SLC22A13: variants seen among roughly 807,000 people sequenced by gnomAD.
SLC22A13 encodes organic anion transporter 10.
Under a neutral mutation model 49.1 loss-of-function variants are expected in SLC22A13, and 42 were observed. The observed-to-expected ratio is 0.85, with a 90% CI of 0.67 to 1.11. SLC22A13 has a LOEUF of 1.11. Among genes scored for constraint, SLC22A13 ranks in the 50% least tolerant of loss-of-function variants. The pLI is 0.00. For missense variants in SLC22A13, 694 were observed against 712.8 expected (o/e 0.97, Z 0.30); for synonymous variants, 282 against 293.1 (o/e 0.96, Z 0.39).
In SLC22A13 at chr3:38,275,128, G is replaced by A. The variant is rs771713150; in HGVS notation, c.777G>A (p.Ala259=). ...GGCTCCTTCAGATCACCGGCACTGC[G>A]CCTGGCTTACTGCTCTTCTTCTACT... is the stretch of plus-strand genomic sequence containing the variant. ...NWRLLQITGT[A]PGLLLFFYFW... is the part of the protein sequence containing the mutation. The change falls in exon 4 of 10, where the codon GCG becomes GCA. Residue 259 remains alanine, a synonymous_variant. Transcript: ENST00000311856. 8.7e-6 allele frequency: 14 copies of A among 1,614,112 alleles called. No homozygotes were observed. The highest frequency in any genetic ancestry group is 5.0e-5 in the Admixed American group (3 of 60,012).
At position 38,274,392 on chromosome 3, in the gene SLC22A13, G is replaced by C; in HGVS notation, c.482+17G>C. 1 of 1,599,374 alleles carries C rather than the reference G, an allele frequency of 6.3e-7. No individual in the cohort carries two copies. On this transcript the variant is annotated intron_variant, in intron 2 of 9. Coordinates refer to ENST00000311856, the MANE Select transcript of SLC22A13 (RefSeq NM_004256.4). ...CTGCGACCGGTAAGAACCTTGCCCT[G>C]CCCACTCCCTGCCTAGCAAGCTCGT...
Position 38,265,891 on chromosome 3 carries a change from A to C in SLC22A13, c.31A>C (p.Ile11Leu), listed in dbSNP as rs781377099. MAQFVQVLAE[I>L]GDFGRFQIQL... ...TCAGTTTGTCCAGGTCCTGGCTGAA[A>C]TAGGTGACTTTGGTCGCTTCCAGAT... The change falls in exon 1 of 10, where the codon ATA becomes CTA. Residue 11 changes from isoleucine to leucine, a missense_variant. Coordinates refer to ENST00000311856, the MANE Select transcript of SLC22A13 (RefSeq NM_004256.4). 4 of 1,614,166 alleles carry C rather than the reference A, an allele frequency of 2.5e-6. No individual in the cohort carries two copies.
At chr3:38,273,940 C>G (rs1404269739) in intron 1 of SLC22A13, among the ~76,000 whole-genome samples, 5 of 152,234 alleles carry the variant, frequency 3.3e-5, no homozygotes, top group Non-Finnish European at 7.3e-5. Context: ...GCTTTCACAG[C>G]AACTGCCAAA....
intron 8 of SLC22A13, 101 bp downstream of exon 8, chr3:38,276,496 G>GCCCCAGAGCCA: frequency 1.2e-6 from 1 of 826,162 alleles, no homozygotes; most frequent in Non-Finnish European, 2.0e-6. Context: ...TGACAGGGCT[G>GCCCCAGAGCCA]GCTCTGGGGC....
In SLC22A13 at chr3:38,274,761, G is replaced by A; in HGVS notation, c.637+3G>A. 1 of 1,612,630 alleles carries A rather than the reference G, an allele frequency of 6.2e-7. No homozygotes were observed. Among genetic ancestry groups the A allele is most frequent in the Non-Finnish European group, 8.5e-7 (1 of 1,179,168 alleles). On this transcript the variant is annotated splice_donor_region_variant and intron_variant, in intron 3 of 9. Coordinates refer to ENST00000311856, the MANE Select transcript of SLC22A13 (RefSeq NM_004256.4). ...TAGCTTCAGCAATGTCACCCTACGT[G>A]AGTGTCTGGGCCCTGGAGCCTTCAG...
At chr3:38,271,542 CA>C (rs397837435) in intron 1 of SLC22A13, among the ~76,000 whole-genome samples, 4,557 of 48,430 alleles carry the variant, frequency 0.094, 89 homozygotes, top group African/African-American at 0.17. Context: ...GACGCTTTCT[CA>C]AAAAAAAAAA....
intron 1 of SLC22A13, among the ~76,000 whole-genome samples, chr3:38,272,025 T>G (rs1360371478): frequency 6.6e-6 from 1 of 152,188 alleles, no homozygotes; most frequent in African/African-American, 2.4e-5. Context: ...CTCTACCACC[T>G]GCAACATGAC....
chr3:38,267,667 G>T (rs1168608336), intron 1 of SLC22A13, among the ~76,000 whole-genome samples: 2 of 152,154 alleles, frequency 1.3e-5, no homozygotes, highest in Non-Finnish European at 2.9e-5. Flanking sequence ...AGAGGGGAAA[G>T]GTACTTTGTT....
rs769735468 is a variant in SLC22A13, at chr3:38,276,992, AC to A, written c.1429del (p.His477ThrfsTer31). On this transcript the variant is annotated frameshift_variant, in exon 9 of 10. Transcript: ENST00000311856. LOFTEE classifies it high-confidence loss of function. The stretch of plus-strand genomic sequence containing the variant: ...CCACTTGTGATCCTGCTGGGAGAGT[AC>A]CACGCTGCCCTCCCCATGCTCATCT... ...LTPLVILLGE[Y>X]HAALPMLIYG... 1 of 1,612,750 alleles carries A rather than the reference AC, an allele frequency of 6.2e-7. No homozygotes were observed. Among genetic ancestry groups the A allele is most frequent in the Admixed American group, 1.7e-5 (1 of 59,876 alleles).
At chr3:38,273,231 C>T (rs2125863424) in intron 1 of SLC22A13, among the ~76,000 whole-genome samples, 1 of 152,290 alleles carries the variant, frequency 6.6e-6, no homozygotes, top group South Asian at 2.1e-4. Context: ...GTCAAGTGCA[C>T]ATACAATAGA....
chr3:38,276,749 G>C (rs1171498755), intron 8 of SLC22A13, among the ~76,000 whole-genome samples, 163 bp from the exon 9 acceptor site: 6 of 152,160 alleles, frequency 3.9e-5, no homozygotes, highest in African/African-American at 1.4e-4. Context: ...CAGGGAGCAG[G>C]GTTGGAGGCA....
chr3:38,270,296 C>G, intron 1 of SLC22A13: 1 of 191,622 alleles, frequency 5.2e-6, no homozygotes, highest in South Asian at 1.0e-4. Flanking sequence ...TTAGGCCCTT[C>G]TCTGTGAGTG....
At position 38,274,366 on chromosome 3, in the gene SLC22A13, T is replaced by C; in HGVS notation, c.473T>C (p.Leu158Pro). 3.1e-6 allele frequency: 5 copies of C among 1,613,760 alleles called. No individual in the cohort carries two copies. The highest frequency in any genetic ancestry group is 3.4e-6 in the Non-Finnish European group (4 of 1,179,650). The part of the protein sequence containing the change: ...LLVGTLMFGP[L>P]CDRIGRKATI... ...GTTGGCACCCTCATGTTTGGGCCCC[T>C]CTGCGACCGGTAAGAACCTTGCCCT... The change falls in exon 2 of 10, where the codon CTC becomes CCC. Residue 158 changes from leucine (L) to proline (P), a missense_variant. By Grantham distance (98) the Leu-to-Pro change is moderately conservative (BLOSUM62 -3). Transcript: ENST00000311856.
intron 9 of SLC22A13, 86 bp downstream of exon 9, chr3:38,277,213 C>T (rs367559553): frequency 5.5e-5 from 64 of 1,172,644 alleles, no homozygotes; most frequent in South Asian, 7.1e-5. Context: ...CCTCATCACT[C>T]GTCCACTGTT....
intron 1 of SLC22A13, chr3:38,270,568 T>C (rs1703509577): frequency 5.4e-6 from 1 of 186,756 alleles, no homozygotes; most frequent in Non-Finnish European, 1.2e-5. Context: ...TACTTAGCAA[T>C]TGCAATCTTT....
Position 38,275,875 on chromosome 3 carries a change from C to T in SLC22A13, c.1023-7C>T, listed in dbSNP as rs1703575203. 6 of 1,613,244 alleles carry T rather than the reference C, an allele frequency of 3.7e-6. No homozygotes were observed. The highest frequency in any genetic ancestry group is 5.1e-6 in the Non-Finnish European group (6 of 1,179,256). Reference sequence around the variant, plus strand: ...AGCAGTGACAGGAACCCTTCATTACCTTGTAGGTTTGTGGACAGTCTGGGG... The same window carrying T: ...AGCAGTGACAGGAACCCTTCATTACTTTGTAGGTTTGTGGACAGTCTGGGG... On this transcript the variant is annotated splice_region_variant and splice_polypyrimidine_tract_variant and intron_variant, in intron 6 of 9. Transcript: ENST00000311856.
intron 7 of SLC22A13, 71 bp from the exon 8 acceptor site, chr3:38,276,216 A>ACTCCCG (rs1703582114): frequency 6.7e-7 from 1 of 1,487,052 alleles, no homozygotes; most frequent in South Asian, 1.2e-5. Flanking sequence ...TGGGTACAGA[A>ACTCCCG]GGGGTGGGGA....
intron 1 of SLC22A13, among the ~76,000 whole-genome samples, chr3:38,268,382 G>C (rs577863793): frequency 6.6e-6 from 1 of 152,266 alleles, no homozygotes; most frequent in African/African-American, 2.4e-5. Context: ...ACTTGAAAGA[G>C]GGTGTTATCA....
chr3:38,276,452 C>A, intron 8 of SLC22A13, 57 bp downstream of exon 8: 2 of 1,196,682 alleles, frequency 1.7e-6, no homozygotes, highest in South Asian at 2.7e-5. Context: ...ATTTGGCTGT[C>A]CCTCCTCGGC....
Sources: gnomAD v4.1 joint callset for allele counts (sites outside exome capture counted in the v4.1 genomes callset) on GRCh38, gnomAD v4.1.1 for gene constraint, MANE v1.5 for transcripts, NCBI Gene and HGNC (gene_info 2026-07-23, HGNC 2026-07-21) for gene names.